Variants in ABLIM1 observed in about 807,000 individuals in gnomAD.
ABLIM1 encodes actin binding LIM protein 1.
In ABLIM1, 40 loss-of-function variants were observed where a neutral mutation model predicts 107.0. The ratio of observed to expected loss-of-function variants is 0.37; its 90% CI spans 0.29 to 0.49. ABLIM1 has a LOEUF of 0.49. Among genes scored for constraint, ABLIM1 ranks in the 20% least tolerant of loss-of-function variants. The pLI, the probability that ABLIM1 is intolerant of heterozygous loss-of-function variation, is 0.97. For synonymous variants in ABLIM1, 357 were observed against 357.3 expected (o/e 1.00, Z 0.01); for missense variants, 857 against 1,008.5 (o/e 0.85, Z 2.04).
chr10:114,540,019 T>C (rs1184685065), intron 6 of ABLIM1, among the ~76,000 whole-genome samples: 1 of 152,126 alleles, frequency 6.6e-6, no homozygotes, highest in Non-Finnish European at 1.5e-5. Flanking sequence ...TTCAGAACTC[T>C]CCTAAATTTA....
chr10:114,542,304 A>AG (rs2066764841), intron 6 of ABLIM1, among the ~76,000 whole-genome samples: 1 of 151,722 alleles, frequency 6.6e-6, no homozygotes, highest in African/African-American at 2.4e-5. Context: ...CCAGCTACTC[A>AG]GGGGGCTGTG....
chr10:114,736,241 A>G (rs1253608338), intron 1 of ABLIM1, among the ~76,000 whole-genome samples: 2 of 152,214 alleles, frequency 1.3e-5, no homozygotes, highest in African/African-American at 4.8e-5. Context: ...GCCTGGCCCT[A>G]GAATGTGAAA....
In ABLIM1 at chr10:114,468,234, A is replaced by C; in HGVS notation, c.1276-18T>G. 6.2e-7 allele frequency: 1 copy of C among 1,610,346 alleles called. No individual in the cohort carries two copies. Among genetic ancestry groups the C allele is most frequent in the Non-Finnish European group, 8.5e-7 (1 of 1,176,594 alleles). On this transcript the variant is annotated intron_variant, in intron 10 of 22. Coordinates refer to ENST00000533213, the MANE Select transcript of ABLIM1 (RefSeq NM_002313.7). Reference sequence around the variant, plus strand: ...CTCGGAGACTAGAAAAATAAAAGAGAATTTAAAGTCACAATGTTTGTTAAC... The same window carrying C: ...CTCGGAGACTAGAAAAATAAAAGAGCATTTAAAGTCACAATGTTTGTTAAC...
chr10:114,459,369 G>A (rs148274868), intron 12 of ABLIM1, among the ~76,000 whole-genome samples: 2,387 of 152,316 alleles, frequency 0.016, 32 homozygotes, highest in Non-Finnish European at 0.022. Flanking sequence ...AAGATATCTT[G>A]GATGTGTTAT....
intron 13 of ABLIM1, among the ~76,000 whole-genome samples, chr10:114,451,923 T>C (rs1224066198): frequency 1.3e-5 from 2 of 152,320 alleles, no homozygotes; most frequent in Non-Finnish European, 2.9e-5. Flanking sequence ...TCATGAGCCA[T>C]TTATTTCAAA....
At chr10:114,655,867 C>A (rs879901521) in intron 1 of ABLIM1, among the ~76,000 whole-genome samples, 8 of 152,202 alleles carry the variant, frequency 5.3e-5, no homozygotes, top group Admixed American at 1.3e-4. Context: ...AAGTCGGTAT[C>A]CTGTCTTGCC....
intron 1 of ABLIM1, among the ~76,000 whole-genome samples, chr10:114,613,027 C>A (rs1409317919): frequency 6.6e-6 from 1 of 152,324 alleles, no homozygotes; most frequent in Admixed American, 6.5e-5. Flanking sequence ...CTGTCTCCAG[C>A]ACAGGAAGTC....
chr10:114,448,725 T>C (rs577022877), intron 14 of ABLIM1, among the ~76,000 whole-genome samples: 1 of 152,262 alleles, frequency 6.6e-6, no homozygotes, highest in African/African-American at 2.4e-5. Flanking sequence ...GGGATTCTCC[T>C]GCCTCAGCCT....
intron 1 of ABLIM1, among the ~76,000 whole-genome samples, chr10:114,712,113 G>A (rs2081562341): frequency 6.6e-6 from 1 of 152,108 alleles, no homozygotes; most frequent in Admixed American, 6.5e-5. Context: ...AGCACGTTGG[G>A]AGGCCAAGGT....
At chr10:114,659,689 A>G (rs1444986754), upstream of ABLIM1, among the ~76,000 whole-genome samples, 4 of 152,188 alleles carry the variant, frequency 2.6e-5, no homozygotes, top group African/African-American at 9.6e-5. Flanking sequence ...TGCTGCACCC[A>G]TTAACTCATC....
Position 114,545,024 on chromosome 10 carries a change from A to G in ABLIM1, c.875T>C (p.Ile292Thr). 2 of 1,614,156 alleles carry G rather than the reference A, an allele frequency of 1.2e-6. No homozygotes were observed. Among genetic ancestry groups the G allele is most frequent in the Non-Finnish European group, 1.7e-6 (2 of 1,180,012 alleles). The change falls in exon 6 of 23, where the codon ATC becomes ACC. Residue 292 changes from isoleucine to threonine, a missense_variant. Transcript: ENST00000533213. ...GVKCEACHQFITGKVLEAGDK... is the reference protein window; with the variant it reads ...GVKCEACHQFTTGKVLEAGDK... Reference sequence around the variant, plus strand: ...ACTTACCTCCAGGACTTTCCCTGTGATAAACTGGTGACACGCCTCACATTT... The same window carrying G: ...ACTTACCTCCAGGACTTTCCCTGTGGTAAACTGGTGACACGCCTCACATTT...
chr10:114,507,921 G>A (rs2061373907), intron 6 of ABLIM1, among the ~76,000 whole-genome samples: 1 of 152,124 alleles, frequency 6.6e-6, no homozygotes, highest in Admixed American at 6.5e-5. Flanking sequence ...GTACTCCAAG[G>A]CAAAGTCTGC....
intron 1 of ABLIM1, among the ~76,000 whole-genome samples, chr10:114,756,575 G>A (rs1012453030): frequency 6.6e-6 from 1 of 152,034 alleles, no homozygotes; most frequent in African/African-American, 2.4e-5. Flanking sequence ...AATATTTTAT[G>A]TTTCTCAGTA....
intron 2 of ABLIM1, among the ~76,000 whole-genome samples, chr10:114,598,853 T>C (rs1438759155): frequency 6.6e-6 from 1 of 152,148 alleles, no homozygotes. Flanking sequence ...TTTTAATTTA[T>C]TTTTTAAGTT....
chr10:114,451,898 A>G (rs2139660962), intron 13 of ABLIM1, among the ~76,000 whole-genome samples: 1 of 152,352 alleles, frequency 6.6e-6, no homozygotes, highest in Non-Finnish European at 1.5e-5. Flanking sequence ...TAGGATATAT[A>G]AAGATGTGAT....
chr10:114,689,867 T>C (rs1158590973), upstream of ABLIM1, among the ~76,000 whole-genome samples: 2 of 152,174 alleles, frequency 1.3e-5, no homozygotes, highest in African/African-American at 2.4e-5. Context: ...TTGATGCTTA[T>C]CCTAATCACT....
chr10:114,759,244 A>T (rs1339954875), intron 1 of ABLIM1, among the ~76,000 whole-genome samples: 1 of 152,238 alleles, frequency 6.6e-6, no homozygotes, highest in Non-Finnish European at 1.5e-5. Context: ...TTTCCCATTA[A>T]AATCATACAA....
chr10:114,541,302 C>T (rs909616774), intron 6 of ABLIM1, among the ~76,000 whole-genome samples: 10 of 152,088 alleles, frequency 6.6e-5, no homozygotes, highest in African/African-American at 2.4e-4. Flanking sequence ...AAGCTTGTTG[C>T]TTTAAGCCAC....
chr10:114,451,700 A>AT, intron 13 of ABLIM1, 29 bp from the exon 14 acceptor site: 2 of 1,590,310 alleles, frequency 1.3e-6, no homozygotes, highest in Non-Finnish European at 1.7e-6. Flanking sequence ...AAGGTGTGTG[A>AT]TTATGGGAAC....
Sources: allele counts gnomAD v4.1 joint callset (sites outside exome capture counted in the v4.1 genomes callset), GRCh38; gene constraint gnomAD v4.1.1; transcripts MANE v1.5; gene names NCBI Gene and HGNC (gene_info 2026-07-23, HGNC 2026-07-21).